Variants in EDIL3 observed in about 807,000 individuals in gnomAD.
EDIL3 encodes the protein EGF like and discoidin domains 3, also known as EGF-like repeat and discoidin I-like domain-containing protein 3.
In EDIL3, 37 loss-of-function variants were observed where a neutral mutation model predicts 67.4. The observed-to-expected ratio is 0.55, with a 90% CI of 0.42 to 0.72. The LOEUF is 0.72. Among genes scored for constraint, EDIL3 ranks in the 30% least tolerant of loss-of-function variants. The pLI, the probability that EDIL3 is intolerant of heterozygous loss-of-function variation, is 0.00. For synonymous variants in EDIL3, 195 were observed against 196.3 expected (o/e 0.99, Z 0.05); for missense variants, 527 against 586.3 (o/e 0.90, Z 1.04).
chr5:84,005,145 C>T (rs1196411661), intron 9 of EDIL3, among the ~76,000 whole-genome samples: 5 of 151,894 alleles, frequency 3.3e-5, no homozygotes, highest in Non-Finnish European at 7.4e-5. Flanking sequence ...AAATTGAAAC[C>T]CTGAACAGAT....
intron 3 of EDIL3, among the ~76,000 whole-genome samples, chr5:84,200,696 T>C (rs1009836502): frequency 1.3e-5 from 2 of 152,106 alleles, no homozygotes; most frequent in Admixed American, 6.6e-5. Flanking sequence ...GAAACTCATT[T>C]TTAAAGAGAC....
chr5:84,182,831 A>T (rs530891577), intron 3 of EDIL3, among the ~76,000 whole-genome samples: 1 of 152,032 alleles, frequency 6.6e-6, no homozygotes, highest in African/African-American at 2.4e-5. Flanking sequence ...TGTCAGCACC[A>T]CACCAATTAA....
rs1174893469 is a variant in EDIL3 at position 84,038,000 on chromosome 5, T to TTG, written c.1137+22299_1137+22300insCA. Among the ~76,000 whole-genome samples, 274 of 142,968 alleles carry TTG rather than the reference T, an allele frequency of 1.9e-3. 8 individuals carry two copies. The highest frequency in any genetic ancestry group is 7.1e-3 in the African/African-American group (262 of 37,066). 93.8% of individuals were successfully genotyped at this position (142,968 alleles called of 152,430 possible). ...TTCTTTCTTTCTTGTTTTTTTTTTT[T>TTG]TTTTTTTTTTTGAGACAGGGTCTCA... On this transcript the variant is annotated intron_variant, in intron 9 of 10. Transcript: ENST00000296591.
chr5:84,357,005 A>T (rs1747502509), intron 1 of EDIL3, among the ~76,000 whole-genome samples: 3 of 146,940 alleles, frequency 2.0e-5, no homozygotes, highest in African/African-American at 7.6e-5. Context: ...GCTCACTGAA[A>T]CCTCTGCCTC....
intron 1 of EDIL3, among the ~76,000 whole-genome samples, chr5:84,254,490 T>C (rs568986252): frequency 1.3e-5 from 2 of 152,336 alleles, no homozygotes; most frequent in East Asian, 3.9e-4. Context: ...GAATGTTGTC[T>C]AATTGGTTAA....
At chr5:84,003,533 C>G (rs34554538) in intron 9 of EDIL3, among the ~76,000 whole-genome samples, 1 of 152,144 alleles carries the variant, frequency 6.6e-6, no homozygotes, top group Non-Finnish European at 1.5e-5. Context: ...AAAACAAATT[C>G]TAAGCAAGAA....
At chr5:84,065,905 G>C (rs1746630836) in intron 7 of EDIL3, among the ~76,000 whole-genome samples, 2 of 151,968 alleles carry the variant, frequency 1.3e-5, no homozygotes. Context: ...AAGGAGGTCA[G>C]GAGATCGAGA....
chr5:84,353,120 C>A (rs2112191720), intron 1 of EDIL3, among the ~76,000 whole-genome samples: 1 of 152,122 alleles, frequency 6.6e-6, no homozygotes, highest in African/African-American at 2.4e-5. Flanking sequence ...GCTGCTGCAC[C>A]CAATCAAAAT....
At chr5:84,085,168 C>T (rs1169152093) in intron 6 of EDIL3, among the ~76,000 whole-genome samples, 1 of 152,112 alleles carries the variant, frequency 6.6e-6, no homozygotes, top group African/African-American at 2.4e-5. Flanking sequence ...CCTTCTGAAG[C>T]CTTCTTCTGT....
chr5:84,381,735 G>A (rs1025808318), intron 1 of EDIL3, among the ~76,000 whole-genome samples: 7 of 152,192 alleles, frequency 4.6e-5, no homozygotes, highest in African/African-American at 1.4e-4. Flanking sequence ...AAGATGTCAC[G>A]TGCTTGCTGC....
At chr5:84,165,101 AT>A (rs1748681101) in intron 4 of EDIL3, among the ~76,000 whole-genome samples, 1 of 152,104 alleles carries the variant, frequency 6.6e-6, no homozygotes, top group African/African-American at 2.4e-5. Context: ...TCAGGGTCAG[AT>A]TTTTGGCAAG....
chr5:84,232,569 C>T (rs865778618), intron 2 of EDIL3, among the ~76,000 whole-genome samples: 14 of 152,088 alleles, frequency 9.2e-5, no homozygotes, highest in African/African-American at 3.4e-4. Flanking sequence ...GCAAGCTGTG[C>T]ACCAATCTAC....
intron 1 of EDIL3, among the ~76,000 whole-genome samples, chr5:84,381,290 G>A (rs1481547524): frequency 6.6e-6 from 1 of 152,082 alleles, no homozygotes; most frequent in African/African-American, 2.4e-5. Flanking sequence ...TTGCAATACT[G>A]TCAAACTTTC....
At chr5:84,154,086 C>T (rs1748448420) in intron 4 of EDIL3, among the ~76,000 whole-genome samples, 1 of 152,106 alleles carries the variant, frequency 6.6e-6, no homozygotes, top group South Asian at 2.1e-4. Context: ...ATCTTTTGCT[C>T]CTTTGCTGTG....
chr5:84,102,451 CCA>C (rs1561432064), intron 6 of EDIL3, among the ~76,000 whole-genome samples: 1 of 151,842 alleles, frequency 6.6e-6, no homozygotes, highest in Admixed American at 6.6e-5. Context: ...CTAGGAAACC[CCA>C]CAGTCTAGGC....
chr5:84,027,941 T>G (rs2112199113), intron 9 of EDIL3, among the ~76,000 whole-genome samples: 2 of 152,280 alleles, frequency 1.3e-5, no homozygotes, highest in South Asian at 4.1e-4. Context: ...AAAGTATTTG[T>G]CTACTCTTTC....
chr5:84,213,285 G>GA (rs371225195), intron 3 of EDIL3, among the ~76,000 whole-genome samples: 6 of 149,876 alleles, frequency 4.0e-5, no homozygotes, highest in Middle Eastern at 3.4e-3. Flanking sequence ...AATGTTTCTG[G>GA]AAAAAAAAAT....
At chr5:84,272,551 C>G (rs963155100) in intron 1 of EDIL3, among the ~76,000 whole-genome samples, 4 of 152,018 alleles carry the variant, frequency 2.6e-5, no homozygotes, top group African/African-American at 9.7e-5. Context: ...ATATATAATT[C>G]ATTTAATACA....
At chr5:84,028,198 T>C (rs1745852759) in intron 9 of EDIL3, among the ~76,000 whole-genome samples, 2 of 152,166 alleles carry the variant, frequency 1.3e-5, no homozygotes. Context: ...CTACTTTCCT[T>C]GCTTTACTCA....
Sources: gnomAD v4.1 joint callset for allele counts (sites outside exome capture counted in the v4.1 genomes callset) on GRCh38, gnomAD v4.1.1 for gene constraint, MANE v1.5 for transcripts, NCBI Gene and HGNC (gene_info 2026-07-23, HGNC 2026-07-21) for gene names.